TMEM44: variants seen among roughly 807,000 people sequenced by gnomAD.
The protein encoded by TMEM44 is transmembrane protein 44.
Under a neutral mutation model 47.8 loss-of-function variants are expected in TMEM44, and 43 were observed. That is an observed-to-expected ratio of 0.90 (90% CI 0.70 to 1.16). TMEM44 has a LOEUF of 1.16. TMEM44 is among the 50% of genes most tolerant of loss of function. The pLI is 0.00. For missense variants in TMEM44, 568 were observed against 555.2 expected (o/e 1.02, Z -0.23); for synonymous variants, 277 against 238.8 (o/e 1.16, Z -1.48).
intron 3 of TMEM44, 47 bp downstream of exon 3, chr3:194,625,850 T>C: frequency 6.6e-7 from 1 of 1,509,908 alleles, no homozygotes; most frequent in Non-Finnish European, 9.2e-7. Flanking sequence ...GGCGTGCTGA[T>C]GAATGAATGG....
At chr3:194,594,153 A>ATCTATCTATCTATCTG (rs772169628) in intron 9 of TMEM44, among the ~76,000 whole-genome samples, 15 of 148,284 alleles carry the variant, frequency 1.0e-4, no homozygotes, top group South Asian at 8.6e-4. Context: ...CTATCTATCT[A>ATCTATCTATCTATCTG]TCTATCTATC....
chr3:194,623,404 T>C, intron 4 of TMEM44, 94 bp from the exon 5 acceptor site: 1 of 1,506,470 alleles, frequency 6.6e-7, no homozygotes, highest in Non-Finnish European at 9.0e-7. Flanking sequence ...CCTTTTCTGC[T>C]TTTAGAGGGT....
At chr3:194,605,740 G>A (rs979152274) in intron 8 of TMEM44, among the ~76,000 whole-genome samples, 1 of 152,164 alleles carries the variant, frequency 6.6e-6, no homozygotes, top group Non-Finnish European at 1.5e-5. Context: ...AAAGAAAGTT[G>A]TCCTCTCTGA....
chr3:194,612,082 C>T (rs184276237), intron 7 of TMEM44, among the ~76,000 whole-genome samples: 98 of 151,398 alleles, frequency 6.5e-4, no homozygotes, highest in African/African-American at 2.3e-3. Context: ...TGGACCACAC[C>T]CTCAGTTTCA....
chr3:194,594,941 G>A (rs1360709576), intron 9 of TMEM44, among the ~76,000 whole-genome samples: 1 of 152,100 alleles, frequency 6.6e-6, no homozygotes, highest in Non-Finnish European at 1.5e-5. Flanking sequence ...GCTAATGATA[G>A]TGTGCCTAAG....
At chr3:194,606,706 G>A (rs810964) in intron 8 of TMEM44, among the ~76,000 whole-genome samples, 141,921 of 152,176 alleles carry the variant, frequency 0.93, 66,242 homozygotes, top group East Asian at 0.99. Flanking sequence ...TTGGGAGGCC[G>A]AGGCAGGCGG....
In TMEM44 at chr3:194,622,896, G is replaced by A. The variant is rs937061875; in HGVS notation, c.612+328C>T. 4.0e-5 allele frequency: 10 copies of A among 249,428 alleles called. No homozygotes were observed. In the Admixed American group the frequency reaches 4.1e-4, roughly 10 times the overall value. The allele number at this position is 249,428 out of a possible 1,614,324, so 15.5% of individuals were successfully genotyped here. ...GAACCTCACACCTGGCTGCCTGTCC[G>A]GTGTCAAATCTCCTTCTCTTATGGG... is the stretch of plus-strand genomic sequence containing the variant. On this transcript the variant is annotated intron_variant, in intron 5 of 9. Transcript: ENST00000347147.
At chr3:194,607,964 T>C (rs1247229487) in intron 8 of TMEM44, among the ~76,000 whole-genome samples, 1 of 152,186 alleles carries the variant, frequency 6.6e-6, no homozygotes, top group Admixed American at 6.5e-5. Flanking sequence ...TGGAACACAC[T>C]CTTCTTTCAT....
intron 9 of TMEM44, chr3:194,589,811 G>A (rs1311570820): frequency 6.6e-6 from 1 of 152,138 alleles, no homozygotes; most frequent in Non-Finnish European, 1.5e-5. Context: ...TTGGGCTCCA[G>A]TTCTCCTCCT....
At chr3:194,599,408 G>A (rs1251559108) in intron 9 of TMEM44, among the ~76,000 whole-genome samples, 1 of 152,110 alleles carries the variant, frequency 6.6e-6, no homozygotes, top group African/African-American at 2.4e-5. Context: ...ACCTTCGGCC[G>A]CAGACGAACC....
At position 194,628,397 on chromosome 3, in the gene TMEM44, G is replaced by A. The variant is rs535196864; in HGVS notation, c.250C>T (p.Gln84Ter). 6.2e-7 allele frequency: 1 copy of A among 1,611,660 alleles called. No individual in the cohort carries two copies. ...CDTVGALLAR[Q>*]LTIQVFTGAY... Reference sequence around the variant, plus strand: ...GCCCAACATACCTGGATTGTGAGCTGTCTGGCCAGAAGAGCCCCGACGGTG... The same window carrying A: ...GCCCAACATACCTGGATTGTGAGCTATCTGGCCAGAAGAGCCCCGACGGTG... The change falls in exon 2 of 10, where the codon CAG becomes TAG. Residue 84 changes from glutamine (Q) to a stop codon, truncating the protein, a stop_gained. Coordinates refer to ENST00000347147, the MANE Select transcript of TMEM44 (RefSeq NM_001011655.3). LOFTEE classifies it high-confidence loss of function.
chr3:194,594,137 A>ATCTCTGTCTG (rs1157567717), intron 9 of TMEM44, among the ~76,000 whole-genome samples: 17 of 145,728 alleles, frequency 1.2e-4, no homozygotes, highest in African/African-American at 3.7e-4. Context: ...CTATCTATCT[A>ATCTCTGTCTG]TCTATCTATC....
chr3:194,606,521 G>A (rs1701498800), intron 8 of TMEM44, among the ~76,000 whole-genome samples: 1 of 152,158 alleles, frequency 6.6e-6, no homozygotes, highest in African/African-American at 2.4e-5. Flanking sequence ...CCAGGTCCCT[G>A]AATCGGGCAG....
At chr3:194,612,828 C>G (rs1347779035) in intron 7 of TMEM44, among the ~76,000 whole-genome samples, 1 of 152,048 alleles carries the variant, frequency 6.6e-6, no homozygotes, top group African/African-American at 2.4e-5. Flanking sequence ...CCGCGCCCAG[C>G]TAATTTTTTG....
intron 2 of TMEM44, 47 bp from the exon 3 acceptor site, chr3:194,626,037 C>T (rs766459675): frequency 1.0e-5 from 15 of 1,438,390 alleles, no homozygotes; most frequent in African/African-American, 1.4e-5. Flanking sequence ...CATCTTTCCT[C>T]AGCCCCTACA....
At chr3:194,607,079 T>C (rs1326839517) in intron 8 of TMEM44, among the ~76,000 whole-genome samples, 3 of 152,192 alleles carry the variant, frequency 2.0e-5, no homozygotes, top group Non-Finnish European at 4.4e-5. Flanking sequence ...TGAAATGTGA[T>C]CCCAGTGTTG....
At chr3:194,599,279 G>C (rs566723903) in intron 9 of TMEM44, among the ~76,000 whole-genome samples, 3 of 152,060 alleles carry the variant, frequency 2.0e-5, no homozygotes, top group Non-Finnish European at 4.4e-5. Flanking sequence ...CCAGTCTATT[G>C]GTCCCTCACG....
rs1472470666 is a variant in TMEM44, at chr3:194,633,332, C to A, written c.-117G>T. ...TTCTCTGGGTTCCGTTCCGCCGCGG[C>A]GCCTCCGGCCGAGCGCACCGACCGC... is the stretch of plus-strand genomic sequence containing the variant. On this transcript the variant is annotated 5_prime_UTR_variant, in exon 1 of 10. Transcript: ENST00000347147. 1 of 402,174 alleles carries A rather than the reference C, an allele frequency of 2.5e-6. No individual in the cohort carries two copies. Among genetic ancestry groups the A allele is most frequent in the Admixed American group, 6.3e-5 (1 of 15,886 alleles). The allele number at this position is 402,174 out of a possible 1,614,324, so 24.9% of individuals were successfully genotyped here. A position where few individuals can be genotyped will look rare whatever the true frequency, so the allele number is the denominator to read the frequency against.
intron 5 of TMEM44, among the ~76,000 whole-genome samples, chr3:194,617,967 A>G (rs1406283013): frequency 6.6e-6 from 1 of 152,166 alleles, no homozygotes; most frequent in Non-Finnish European, 1.5e-5. Flanking sequence ...GCCTTCCGCC[A>G]TGAGTAAAAG....
Sources: allele counts gnomAD v4.1 joint callset (sites outside exome capture counted in the v4.1 genomes callset), GRCh38; gene constraint gnomAD v4.1.1; transcripts MANE v1.5; gene names NCBI Gene and HGNC (gene_info 2026-07-23, HGNC 2026-07-21).